CCDC169: variants seen among roughly 807,000 people sequenced by gnomAD.
The protein encoded by CCDC169 is coiled-coil domain-containing protein 169.
CCDC169 carries 30 observed loss-of-function variants against 36.0 expected under a neutral mutation model. The observed-to-expected ratio is 0.83, with a 90% CI of 0.62 to 1.13. The LOEUF (loss-of-function observed/expected upper bound fraction) is 1.13. CCDC169 is among the 50% of genes most tolerant of loss of function. The pLI is 0.00. For synonymous variants in CCDC169, 85 were observed against 81.5 expected, an observed-to-expected ratio of 1.04 and a Z score of -0.23; for missense variants, 245 against 245.9, an observed-to-expected ratio of 1.00 and a Z score of 0.03.
intron 4 of CCDC169, 155 bp downstream of exon 4, chr13:36,283,314 C>T: frequency 1.4e-6 from 1 of 718,936 alleles, no homozygotes. Context: ...TATAGCTACT[C>T]AAAAATTATT....
intron 7 of CCDC169, among the ~76,000 whole-genome samples, chr13:36,244,931 T>G (rs1430352007): frequency 6.6e-6 from 1 of 152,110 alleles, no homozygotes; most frequent in East Asian, 1.9e-4. Context: ...TACATTATAT[T>G]TCCAATAATG....
At chr13:36,294,602 C>T (rs1594099230) in intron 2 of CCDC169, among the ~76,000 whole-genome samples, 1 of 152,046 alleles carries the variant, frequency 6.6e-6, no homozygotes, top group Non-Finnish European at 1.5e-5. Flanking sequence ...CAGACAAAAC[C>T]CCTCAGACAC....
rs372590316 is a variant in CCDC169, at chr13:36,253,793, A to G, written c.468+10T>C. 5.1e-4 allele frequency: 793 copies of G among 1,543,812 alleles called. 6 individuals carry two copies. In the South Asian group the frequency reaches 6.4e-3, roughly 12 times the overall value. On this transcript the variant is annotated intron_variant, in intron 6 of 7. Transcript: ENST00000239859. ...GAAACACTTAGAATTTGGAAATAAA[A>G]AAGAGTTACCTGAGACATTTCAGCT...
At chr13:36,277,458 C>T (rs938731408) in intron 4 of CCDC169, among the ~76,000 whole-genome samples, 1 of 152,002 alleles carries the variant, frequency 6.6e-6, no homozygotes, top group African/African-American at 2.4e-5. Flanking sequence ...TGCACATGTA[C>T]CCCAGAACTT....
intron 4 of CCDC169, among the ~76,000 whole-genome samples, chr13:36,255,072 C>A (rs1078302): frequency 0.41 from 61,613 of 151,926 alleles, 13,275 homozygotes; most frequent in Non-Finnish European, 0.48. Context: ...GTGGACATGG[C>A]GGTCATCCAG....
chr13:36,246,275 C>G (rs1372773586), intron 7 of CCDC169, among the ~76,000 whole-genome samples: 1 of 152,214 alleles, frequency 6.6e-6, no homozygotes, highest in Non-Finnish European at 1.5e-5. Flanking sequence ...AGCTAGGCCT[C>G]TTGTGCCAAA....
At chr13:36,237,114 T>G (rs1871182514) in intron 7 of CCDC169, among the ~76,000 whole-genome samples, 1 of 151,936 alleles carries the variant, frequency 6.6e-6, no homozygotes, top group Non-Finnish European at 1.5e-5. Context: ...TGATCCACAG[T>G]TGGTTGAATT....
chr13:36,267,960 T>C (rs1465056189), intron 4 of CCDC169, among the ~76,000 whole-genome samples: 1 of 152,106 alleles, frequency 6.6e-6, no homozygotes, highest in East Asian at 1.9e-4. Flanking sequence ...TATAAAACAT[T>C]TTAAAATGTT....
intron 2 of CCDC169, 93 bp from the exon 3 acceptor site, chr13:36,283,795 C>T (rs1394662977): frequency 1.1e-6 from 1 of 939,934 alleles, no homozygotes; most frequent in African/African-American, 1.7e-5. Flanking sequence ...TACTCTATTA[C>T]TATATTTGAC....
chr13:36,283,568 A>C lies in CCDC169; in HGVS notation c.274+24T>G. The C allele has an allele frequency of 4.5e-6, 7 of 1,551,114 alleles. No homozygotes were observed. In the South Asian group the frequency reaches 7.1e-5, roughly 16 times the overall value. On this transcript the variant is annotated intron_variant, in intron 3 of 7. Transcript: ENST00000239859. ...TATCAGTTTTAACTCAAATTATAAA[A>C]TGTACATATGATTGGTTTTGTACCT... is the stretch of plus-strand genomic sequence containing the variant.
intron 7 of CCDC169, 126 bp from the exon 8 acceptor site, chr13:36,231,418 C>G (rs1404585980): frequency 1.2e-6 from 1 of 861,202 alleles, no homozygotes; most frequent in Non-Finnish European, 1.8e-6. Flanking sequence ...ACACGGAAAC[C>G]TTCCTGTGAA....
intron 4 of CCDC169, among the ~76,000 whole-genome samples, chr13:36,273,808 C>T (rs1181852304): frequency 6.6e-6 from 1 of 152,170 alleles, no homozygotes; most frequent in Non-Finnish European, 1.5e-5. Flanking sequence ...AGCTTCATAG[C>T]AGTTGTGGTC....
intron 2 of CCDC169, among the ~76,000 whole-genome samples, chr13:36,291,434 T>G (rs1878882640): frequency 6.6e-6 from 1 of 152,216 alleles, no homozygotes; most frequent in Non-Finnish European, 1.5e-5. Context: ...GTCAGGAATA[T>G]TGTCAGATCT....
chr13:36,268,137 C>A (rs1482283305), intron 4 of CCDC169, among the ~76,000 whole-genome samples: 1 of 152,160 alleles, frequency 6.6e-6, no homozygotes, highest in African/African-American at 2.4e-5. Context: ...CAGATATTTA[C>A]AGAACATTCT....
chr13:36,293,170 G>A (rs190085669), intron 2 of CCDC169, among the ~76,000 whole-genome samples: 8 of 152,226 alleles, frequency 5.3e-5, no homozygotes, highest in South Asian at 4.2e-4. Context: ...TCACATGTGC[G>A]CATATTTCCA....
chr13:36,268,069 C>G (rs9547041), intron 4 of CCDC169, among the ~76,000 whole-genome samples: 38,685 of 152,004 alleles, frequency 0.25, 5,194 homozygotes, highest in East Asian at 0.49. Context: ...ACAGATCTTT[C>G]AGACAGAAAG....
At chr13:36,256,577 G>A (rs1331736357) in intron 4 of CCDC169, among the ~76,000 whole-genome samples, 1 of 152,164 alleles carries the variant, frequency 6.6e-6, no homozygotes, top group Non-Finnish European at 1.5e-5. Flanking sequence ...TGACATTTGG[G>A]TGGGAACACA....
chr13:36,248,501 A>G (rs755067539), intron 7 of CCDC169, 105 bp downstream of exon 7: 6 of 1,027,342 alleles, frequency 5.8e-6, no homozygotes, highest in Non-Finnish European at 8.5e-6. Flanking sequence ...TTGTTGCTAT[A>G]AAACCTAGAA....
Position 36,230,877 on chromosome 13 carries a change from A to T in CCDC169, c.*316T>A, listed in dbSNP as rs201590081. ...ACTTTTTGCTAACAGTCAACTAGAAACCAAATAGAATAGCAACGTTACTAT... is the reference window on the plus strand; with the variant it reads ...ACTTTTTGCTAACAGTCAACTAGAATCCAAATAGAATAGCAACGTTACTAT... On this transcript the variant is annotated 3_prime_UTR_variant, in exon 8 of 8. Transcript: ENST00000239859. 2,370 of 1,017,616 alleles carry T rather than the reference A, an allele frequency of 2.3e-3. 4 individuals are homozygous for T. The highest frequency in any genetic ancestry group is 2.7e-3 in the Non-Finnish European group (2,300 of 851,906). 63.0% of individuals were successfully genotyped at this position (1,017,616 alleles called of 1,614,324 possible).
Sources: allele counts gnomAD v4.1 joint callset (sites outside exome capture counted in the v4.1 genomes callset), GRCh38; gene constraint gnomAD v4.1.1; transcripts MANE v1.5; gene names NCBI Gene and HGNC (gene_info 2026-07-23, HGNC 2026-07-21).